The following MPHOSPH6 variants were observed in gnomAD, a reference collection of about 807,000 sequenced individuals.
The protein encoded by MPHOSPH6 is M-phase phosphoprotein 6.
MPHOSPH6 carries 25 observed loss-of-function variants against 21.8 expected under a neutral mutation model. That is an observed-to-expected ratio of 1.15 (90% CI 0.83 to 1.60). The LOEUF is 1.60. Among genes scored for constraint, MPHOSPH6 ranks in the 40% most tolerant of loss-of-function variants. The pLI is 0.00. For missense variants in MPHOSPH6, 269 were observed against 181.8 expected, an observed-to-expected ratio of 1.48 and a Z score of -2.76; for synonymous variants, 84 against 56.5, an observed-to-expected ratio of 1.49 and a Z score of -2.18.
chr16:82,156,148 T>A (rs902766208), intron 2 of MPHOSPH6, among the ~76,000 whole-genome samples: 1 of 152,022 alleles, frequency 6.6e-6, no homozygotes, highest in Non-Finnish European at 1.5e-5. Context: ...TAGAAACTCA[T>A]CAAAAGACAA....
intron 2 of MPHOSPH6, among the ~76,000 whole-genome samples, chr16:82,163,590 T>C (rs1906671609): frequency 6.6e-6 from 1 of 152,228 alleles, no homozygotes; most frequent in Non-Finnish European, 1.5e-5. Context: ...GTAAAGTGTT[T>C]AGCCCAGTTC....
At chr16:82,154,183 C>G (rs1403148205) in intron 2 of MPHOSPH6, among the ~76,000 whole-genome samples, 1 of 152,126 alleles carries the variant, frequency 6.6e-6, no homozygotes, top group East Asian at 1.9e-4. Flanking sequence ...TTGCACAGAG[C>G]AAGGAAATGT....
At chr16:82,158,887 T>C (rs542038522) in intron 2 of MPHOSPH6, among the ~76,000 whole-genome samples, 1 of 152,284 alleles carries the variant, frequency 6.6e-6, no homozygotes, top group African/African-American at 2.4e-5. Context: ...ACTGGGAAAA[T>C]CTATACAACT....
At chr16:82,151,732 T>TA (rs1343240030) in intron 2 of MPHOSPH6, among the ~76,000 whole-genome samples, 7 of 152,376 alleles carry the variant, frequency 4.6e-5, no homozygotes, top group African/African-American at 1.7e-4. Flanking sequence ...CAGCCTCTCT[T>TA]AAACACCACA....
intron 2 of MPHOSPH6, among the ~76,000 whole-genome samples, chr16:82,160,201 A>G (rs538298264): frequency 3.8e-4 from 58 of 152,336 alleles, no homozygotes; most frequent in Non-Finnish European, 6.6e-4. Context: ...AATTAATTAC[A>G]GAGTTGGCAA....
At position 82,164,100 on chromosome 16, in the gene MPHOSPH6, G is replaced by A. The variant is rs747164034; in HGVS notation, c.146C>T (p.Pro49Leu). ...ISEEHWYLDL[P>L]ELKEKESFII... Reference sequence around the variant, plus strand: ...AACCTACTCTTTCTCTTTAAGCTCTGGCAAATCCAAGTACCAGTGCTCTTC... The same window carrying A: ...AACCTACTCTTTCTCTTTAAGCTCTAGCAAATCCAAGTACCAGTGCTCTTC... Residue 49 changes from proline (P) to leucine (L), a missense_variant, in exon 2 of 5, where the codon CCA becomes CTA. Coordinates refer to ENST00000258169, the MANE Select transcript of MPHOSPH6 (RefSeq NM_005792.2). The A allele has an allele frequency of 6.2e-7, 1 of 1,611,534 alleles. No individual in the cohort carries two copies. Among genetic ancestry groups the A allele is most frequent in the Admixed American group, 1.7e-5 (1 of 59,918 alleles).
chr16:82,164,902 C>T (rs1264267523), intron 1 of MPHOSPH6: 1 of 152,114 alleles, frequency 6.6e-6, no homozygotes. Context: ...AAATAACAGT[C>T]CTGCTGCCAG....
rs141829698 is a variant in MPHOSPH6, at chr16:82,167,353, C to T, written c.51+2772G>A. 1.6e-4 allele frequency among the ~76,000 whole-genome samples: 25 copies of T among 152,324 alleles called. 1 individual carries two copies. In the South Asian group the frequency reaches 2.5e-3, roughly 15 times the overall value. ...GGATTAAATCCTCAACCCTCTTATA[C>T]TTGCCTAAAAAGTGGTCCCCAACCT... On this transcript the variant is annotated intron_variant, in intron 1 of 4. Transcript: ENST00000258169.
intron 1 of MPHOSPH6, among the ~76,000 whole-genome samples, chr16:82,167,215 C>A (rs1263568612): frequency 6.6e-6 from 1 of 152,168 alleles, no homozygotes; most frequent in East Asian, 1.9e-4. Flanking sequence ...CAAATAAGCA[C>A]CCTCTACAAC....
At position 82,164,201 on chromosome 16, in the gene MPHOSPH6, A is replaced by C. The variant is rs1906691789; in HGVS notation, c.52-7T>G. ...CCAGTCCCCTTTGCATAAACTGTGA[A>C]AACAAACAAAATCAATGTCAGAAAC... On this transcript the variant is annotated splice_region_variant and splice_polypyrimidine_tract_variant and intron_variant, in intron 1 of 4. Transcript: ENST00000258169. 2 of 1,567,866 alleles carry C rather than the reference A, an allele frequency of 1.3e-6. No homozygotes were observed.
chr16:82,160,934 C>A (rs983700674), intron 2 of MPHOSPH6, among the ~76,000 whole-genome samples: 1 of 148,478 alleles, frequency 6.7e-6, no homozygotes, highest in Admixed American at 6.8e-5. Flanking sequence ...TAAGAGGTGC[C>A]CTCCCTACAC....
chr16:82,155,054 G>T (rs1906387181), intron 2 of MPHOSPH6, among the ~76,000 whole-genome samples: 1 of 152,162 alleles, frequency 6.6e-6, no homozygotes, highest in South Asian at 2.1e-4. Flanking sequence ...AGGCTGTTCT[G>T]ATATTCAAAA....
chr16:82,168,422 T>C (rs974253263), intron 1 of MPHOSPH6, among the ~76,000 whole-genome samples: 2 of 151,770 alleles, frequency 1.3e-5, no homozygotes, highest in Non-Finnish European at 2.9e-5. Context: ...CCTAACTCCA[T>C]CCTAGCTCAA....
intron 2 of MPHOSPH6, 61 bp downstream of exon 2, chr16:82,164,021 T>G: frequency 8.8e-7 from 1 of 1,130,674 alleles, no homozygotes; most frequent in Non-Finnish European, 1.3e-6. Flanking sequence ...TGAGTTAAAT[T>G]TACCAGGAGT....
chr16:82,149,274 G>A, intron 4 of MPHOSPH6, 35 bp downstream of exon 4: 1 of 1,597,620 alleles, frequency 6.3e-7, no homozygotes, highest in Non-Finnish European at 8.6e-7. Context: ...TGAATGCTAG[G>A]TCCAGATTAG....
intron 2 of MPHOSPH6, among the ~76,000 whole-genome samples, chr16:82,159,532 G>A (rs1476129066): frequency 1.3e-5 from 2 of 152,030 alleles, no homozygotes; most frequent in African/African-American, 4.8e-5. Flanking sequence ...AGCCTCCTGA[G>A]AAGCTGGGAC....
chr16:82,165,675 CTG>C (rs1489707588), intron 1 of MPHOSPH6, among the ~76,000 whole-genome samples: 2 of 152,214 alleles, frequency 1.3e-5, no homozygotes, highest in Non-Finnish European at 2.9e-5. Context: ...ACAGACACCA[CTG>C]TGTTACAACT....
At chr16:82,155,795 C>A (rs199861926) in intron 2 of MPHOSPH6, among the ~76,000 whole-genome samples, 1 of 151,932 alleles carries the variant, frequency 6.6e-6, no homozygotes, top group South Asian at 2.1e-4. Context: ...ATCTCAGCTA[C>A]TCAGGAGGCT....
chr16:82,169,977 A>T (rs1268765050), intron 1 of MPHOSPH6, 148 bp downstream of exon 1: 1 of 909,868 alleles, frequency 1.1e-6, no homozygotes, highest in Non-Finnish European at 1.6e-6. Flanking sequence ...AGTGCAGAGC[A>T]GGCGCTAAGT....
Sources: gnomAD v4.1 joint callset for allele counts (sites outside exome capture counted in the v4.1 genomes callset) on GRCh38, gnomAD v4.1.1 for gene constraint, MANE v1.5 for transcripts, NCBI Gene and HGNC (gene_info 2026-07-23, HGNC 2026-07-21) for gene names.